Variants in RGL1 observed in about 807,000 individuals in gnomAD.
RGL1 encodes ral guanine nucleotide dissociation stimulator-like 1.
RGL1 carries 24 observed loss-of-function variants against 95.2 expected under a neutral mutation model. That is an observed-to-expected ratio of 0.25 (90% confidence interval 0.18 to 0.35). The LOEUF is 0.35. RGL1 is among the 10% of genes least tolerant of loss of function. RGL1 has a pLI of 1.00. For synonymous variants in RGL1, 329 were observed against 344.9 expected (o/e 0.95, Z 0.51); for missense variants, 715 against 936.3 (o/e 0.76, Z 3.08).
At chr1:183,811,685 G>A (rs562078105) in intron 2 of RGL1, among the ~76,000 whole-genome samples, 1 of 152,214 alleles carries the variant, frequency 6.6e-6, no homozygotes, top group African/African-American at 2.4e-5. Context: ...TTTGGTGCTA[G>A]TGCTTTCAAA....
chr1:183,719,853 C>G (rs1213326035), intron 1 of RGL1, among the ~76,000 whole-genome samples: 1 of 152,050 alleles, frequency 6.6e-6, no homozygotes, highest in African/African-American at 2.4e-5. Context: ...TTGCAGTGAG[C>G]CGGGATTGTG....
chr1:183,752,933 G>C (rs961916092), intron 2 of RGL1, among the ~76,000 whole-genome samples: 1 of 151,952 alleles, frequency 6.6e-6, no homozygotes, highest in African/African-American at 2.4e-5. Flanking sequence ...ATTTTTTGCT[G>C]TCCTGAAGTT....
intron 2 of RGL1, among the ~76,000 whole-genome samples, chr1:183,799,912 G>A (rs1333941141): frequency 1.3e-5 from 2 of 152,186 alleles, no homozygotes; most frequent in Middle Eastern, 6.3e-3. Context: ...TGAAAGTAGA[G>A]AGAGGAGATA....
intron 1 of RGL1, among the ~76,000 whole-genome samples, chr1:183,739,198 C>G (rs1657132959): frequency 6.6e-6 from 1 of 152,180 alleles, no homozygotes; most frequent in South Asian, 2.1e-4. Context: ...TGATCCATTC[C>G]CTGTGATGTT....
chr1:183,743,643 T>C (rs1657449222), intron 2 of RGL1, among the ~76,000 whole-genome samples: 1 of 152,226 alleles, frequency 6.6e-6, no homozygotes, highest in African/African-American at 2.4e-5. Flanking sequence ...CCTTAATTGA[T>C]AAAGACAAAT....
chr1:183,738,617 G>A (rs866578783), intron 1 of RGL1, among the ~76,000 whole-genome samples: 2 of 151,740 alleles, frequency 1.3e-5, no homozygotes, highest in Admixed American at 6.6e-5. Flanking sequence ...AGAAAGTATC[G>A]AGGCTGGGTG....
At position 183,869,718 on chromosome 1, in the gene RGL1, G is replaced by C. The variant is rs79789484; in HGVS notation, c.425+3645G>C. On this transcript the variant is annotated intron_variant, in intron 4 of 17. Coordinates refer to ENST00000360851, the MANE Select transcript of RGL1 (RefSeq NM_001297671.3). ...AACTATGCTTCTCCTGATCATTTCT[G>C]TGCCTAGATAGGGTCACTGCTTTGT... Among the ~76,000 whole-genome samples the C allele has an allele frequency of 8.0e-3, 1,209 of 151,636 alleles. 13 individuals are homozygous for C. The highest frequency in any genetic ancestry group is 0.027 in the African/African-American group (1,123 of 41,248).
chr1:183,642,399 T>A (rs564307859), intron 1 of RGL1, among the ~76,000 whole-genome samples: 28 of 152,332 alleles, frequency 1.8e-4, no homozygotes, highest in African/African-American at 6.5e-4. Flanking sequence ...AGTGGCAGAA[T>A]GATGTGGGAA....
chr1:183,872,029 T>C (rs575589258), intron 4 of RGL1, among the ~76,000 whole-genome samples: 45 of 152,358 alleles, frequency 3.0e-4, no homozygotes, highest in African/African-American at 1.0e-3. Context: ...AATTGGCCAC[T>C]ATTTATCAAT....
At chr1:183,682,801 T>A (rs543563492) in intron 1 of RGL1, among the ~76,000 whole-genome samples, 1 of 152,324 alleles carries the variant, frequency 6.6e-6, no homozygotes, top group African/African-American at 2.4e-5. Context: ...TGTGGGAGTC[T>A]AAGTTTCTTT....
intron 8 of RGL1, among the ~76,000 whole-genome samples, chr1:183,891,566 A>G (rs1667415771): frequency 6.6e-6 from 1 of 152,064 alleles, no homozygotes; most frequent in African/African-American, 2.4e-5. Context: ...TGACTCTGGG[A>G]GTAGAAATAG....
At chr1:183,708,884 C>T (rs113066240) in intron 1 of RGL1, among the ~76,000 whole-genome samples, 3,140 of 152,258 alleles carry the variant, frequency 0.021, 53 homozygotes, top group Non-Finnish European at 0.03. Flanking sequence ...GGACCGGGGC[C>T]CCTTCCAGAT....
chr1:183,705,551 C>T (rs1654861318), intron 1 of RGL1, among the ~76,000 whole-genome samples: 1 of 152,110 alleles, frequency 6.6e-6, no homozygotes, highest in South Asian at 2.1e-4. Flanking sequence ...AGTTAGTATG[C>T]ACCAGGTAAG....
intron 1 of RGL1, among the ~76,000 whole-genome samples, chr1:183,654,856 T>G (rs1651032116): frequency 6.6e-6 from 1 of 152,240 alleles, no homozygotes; most frequent in African/African-American, 2.4e-5. Flanking sequence ...GTCTGTTAGA[T>G]GTAGGAAGAC....
intron 1 of RGL1, among the ~76,000 whole-genome samples, chr1:183,671,913 A>G (rs1038892297): frequency 3.3e-5 from 5 of 150,272 alleles, no homozygotes; most frequent in African/African-American, 4.9e-5. Context: ...TTTAAGAAAC[A>G]TTCCTTACCT....
intron 1 of RGL1, among the ~76,000 whole-genome samples, chr1:183,688,822 T>C (rs1158102621): frequency 6.6e-6 from 1 of 152,154 alleles, no homozygotes; most frequent in Admixed American, 6.5e-5. Context: ...ATATTGAAGA[T>C]GCAATATGTG....
At chr1:183,805,971 C>CTTTTCTTTTTTTT (rs1661282214) in intron 1 of RGL1, among the ~76,000 whole-genome samples, 1 of 74,648 alleles carries the variant, frequency 1.3e-5, no homozygotes, top group African/African-American at 5.1e-5. Context: ...CTTTTCTTTT[C>CTTTTCTTTTTTTT]TTTTTTTTTT....
chr1:183,744,108 T>A (rs1657476259), intron 2 of RGL1, among the ~76,000 whole-genome samples: 1 of 152,222 alleles, frequency 6.6e-6, no homozygotes, highest in African/African-American at 2.4e-5. Flanking sequence ...TTCTTTTGGT[T>A]ATTCTGTGAA....
chr1:183,786,297 A>G (rs1572410172), intron 2 of RGL1, among the ~76,000 whole-genome samples: 1 of 152,160 alleles, frequency 6.6e-6, no homozygotes, highest in East Asian at 1.9e-4. Flanking sequence ...CTAGTTATTC[A>G]GGAGACTGAG....
Sources: gnomAD v4.1 joint callset for allele counts (sites outside exome capture counted in the v4.1 genomes callset) on GRCh38, gnomAD v4.1.1 for gene constraint, MANE v1.5 for transcripts, NCBI Gene and HGNC (gene_info 2026-07-23, HGNC 2026-07-21) for gene names.